Variants in SLC1A1 observed in about 807,000 individuals in gnomAD.
The protein encoded by SLC1A1 is excitatory amino acid transporter 3.
Under a neutral mutation model 53.3 loss-of-function variants are expected in SLC1A1, and 43 were observed. The observed-to-expected ratio is 0.81, with a 90% CI of 0.63 to 1.04. The LOEUF (loss-of-function observed/expected upper bound fraction) is 1.04. Among genes scored for constraint, SLC1A1 ranks in the 50% least tolerant of loss-of-function variants. SLC1A1 has a pLI of 0.00. For synonymous variants in SLC1A1, 307 were observed against 243.2 expected (o/e 1.26, Z -2.44); for missense variants, 748 against 664.9 (o/e 1.12, Z -1.37).
rs547057643 is a variant in SLC1A1 at position 4,549,061 on chromosome 9, G to A, written c.232+4354G>A. Among the ~76,000 whole-genome samples, 110 of 152,272 alleles carry A rather than the reference G, an allele frequency of 7.2e-4. No homozygotes were observed. Among genetic ancestry groups the A allele is most frequent in the Non-Finnish European group, 1.1e-3 (76 of 68,014 alleles). On this transcript the variant is annotated intron_variant, in intron 2 of 11. Transcript: ENST00000262352. This position sits in a 1 kb window ranked among gnomAD's most constrained non-coding sequence, Gnocchi z 4.1. ...GGTCCAGCCAGTGAGTTTAAATTCA[G>A]GTCACATTTTCTTTACTACTTCCCA...
At chr9:4,506,238 T>A (rs1446870445) in intron 1 of SLC1A1, among the ~76,000 whole-genome samples, 1 of 152,248 alleles carries the variant, frequency 6.6e-6, no homozygotes, top group Non-Finnish European at 1.5e-5. Flanking sequence ...ATTACAGGCA[T>A]GAGCCATCAT....
At chr9:4,532,398 G>A (rs905385301) in intron 1 of SLC1A1, among the ~76,000 whole-genome samples, 19 of 152,084 alleles carry the variant, frequency 1.2e-4, no homozygotes, top group African/African-American at 3.9e-4. Flanking sequence ...ACCAAGGCAC[G>A]AGAACTACGT....
intron 10 of SLC1A1, among the ~76,000 whole-genome samples, chr9:4,580,704 T>A (rs1391557162): frequency 2.1e-5 from 3 of 140,630 alleles, no homozygotes; most frequent in Non-Finnish European, 4.6e-5. Context: ...TAGAAAGAGC[T>A]GAGAGAAAAA....
intron 1 of SLC1A1, among the ~76,000 whole-genome samples, chr9:4,498,298 T>C (rs1820510076): frequency 6.6e-6 from 1 of 152,176 alleles, no homozygotes; most frequent in Admixed American, 6.5e-5. Flanking sequence ...TATGGGGCTA[T>C]TACCATGGTA....
At chr9:4,517,380 G>A (rs993671302) in intron 1 of SLC1A1, among the ~76,000 whole-genome samples, 1 of 152,154 alleles carries the variant, frequency 6.6e-6, no homozygotes, top group Non-Finnish European at 1.5e-5. Context: ...CTGCCTACTA[G>A]AATACAATTT....
intron 10 of SLC1A1, among the ~76,000 whole-genome samples, chr9:4,580,092 A>T (rs1376083968): frequency 6.6e-6 from 1 of 151,992 alleles, no homozygotes; most frequent in Non-Finnish European, 1.5e-5. Flanking sequence ...TTAGCCAGGC[A>T]TGGTGGCATG....
At chr9:4,531,352 C>T (rs558103583) in intron 1 of SLC1A1, among the ~76,000 whole-genome samples, 32 of 152,266 alleles carry the variant, frequency 2.1e-4, no homozygotes, top group Non-Finnish European at 4.3e-4. Context: ...CGGGTCACTC[C>T]CACCCTAATA....
intron 6 of SLC1A1, 27 bp downstream of exon 6, chr9:4,567,794 TC>T (rs1819630005): frequency 7.4e-7 from 1 of 1,356,222 alleles, no homozygotes; most frequent in Non-Finnish European, 1.1e-6. Context: ...CTGTTCCTCT[TC>T]CCCAGGAGAC....
chr9:4,524,918 G>A (rs1282572572), intron 1 of SLC1A1, among the ~76,000 whole-genome samples: 1 of 152,062 alleles, frequency 6.6e-6, no homozygotes, highest in East Asian at 1.9e-4. Context: ...CTATTCATGA[G>A]GGATCCAGCT....
chr9:4,542,038 A>G (rs920483021), intron 1 of SLC1A1, among the ~76,000 whole-genome samples: 6 of 152,222 alleles, frequency 3.9e-5, no homozygotes, highest in African/African-American at 1.4e-4. Context: ...TTTACAAGGC[A>G]TAACTCCTAG....
intron 1 of SLC1A1, among the ~76,000 whole-genome samples, chr9:4,500,379 G>A (rs1056629870): frequency 7.2e-5 from 11 of 152,050 alleles, no homozygotes; most frequent in African/African-American, 2.7e-4. Context: ...TGCGATCTCG[G>A]CTACTGCAAC....
rs149015734 is a variant in SLC1A1 at position 4,512,031 on chromosome 9, T to C, written c.91+21261T>C. ...ATATATAGGATCTATACTCTGACAA[T>C]TATAAAACACTGATGAAAGAAATCA... On this transcript the variant is annotated intron_variant, in intron 1 of 11. Transcript: ENST00000262352. Among the ~76,000 whole-genome samples the C allele has an allele frequency of 2.0e-4, 31 of 152,278 alleles. No individual in the cohort carries two copies. In the East Asian group the frequency reaches 5.8e-3, roughly 28 times the overall value.
chr9:4,501,226 C>G (rs1820619494), intron 1 of SLC1A1, among the ~76,000 whole-genome samples: 1 of 151,600 alleles, frequency 6.6e-6, no homozygotes, highest in African/African-American at 2.4e-5. Context: ...CTCCGTCACC[C>G]AGGCTGGAGT....
chr9:4,567,776 C>G lies in SLC1A1; in HGVS notation c.582+9C>G. 2 of 1,536,676 alleles carry G rather than the reference C, an allele frequency of 1.3e-6. No homozygotes were observed. The highest frequency in any genetic ancestry group is 1.7e-4 in the Middle Eastern group (1 of 5,910). On this transcript the variant is annotated intron_variant, in intron 6 of 11. Coordinates refer to ENST00000262352, the MANE Select transcript of SLC1A1 (RefSeq NM_004170.6). ...CAACTGCAATTTCCAAGGTACCATT[C>G]TTATTTCCTGTTCCTCTTCCCCAGG...
chr9:4,566,147 A>G, intron 5 of SLC1A1, 58 bp downstream of exon 5: 3 of 1,484,668 alleles, frequency 2.0e-6, no homozygotes, highest in Non-Finnish European at 2.8e-6. Context: ...TCAATTAAAA[A>G]TGTTTTTTTC....
chr9:4,586,356 C>T lies in SLC1A1; in HGVS notation c.*798C>T, dbSNP rs190691552. 1 of 152,196 alleles carries T rather than the reference C, an allele frequency of 6.6e-6. No individual in the cohort carries two copies. The highest frequency in any genetic ancestry group is 1.9e-4 in the East Asian group (1 of 5,176). 9.4% of individuals were successfully genotyped at this position (152,196 alleles called of 1,614,324 possible). On this transcript the variant is annotated 3_prime_UTR_variant, in exon 12 of 12. Coordinates refer to ENST00000262352, the MANE Select transcript of SLC1A1 (RefSeq NM_004170.6). ...ATTCCAACCCAGGTCTGCTTTGGGG[C>T]TTATCAGAACTCCTTTCTAAGGAGC...
chr9:4,568,419 A>G (rs903259024), intron 6 of SLC1A1, among the ~76,000 whole-genome samples: 4 of 145,266 alleles, frequency 2.8e-5, no homozygotes, highest in Non-Finnish European at 6.1e-5. Flanking sequence ...CCCTGTCTCA[A>G]AAAAAAAAAA....
At chr9:4,529,505 T>A (rs1302961550) in intron 1 of SLC1A1, among the ~76,000 whole-genome samples, 1 of 152,176 alleles carries the variant, frequency 6.6e-6, no homozygotes, top group African/African-American at 2.4e-5. Flanking sequence ...GTCTTTGTAG[T>A]CACACAGTGT....
chr9:4,507,444 TATGA>T (rs1172591357), intron 1 of SLC1A1, among the ~76,000 whole-genome samples: 1 of 152,206 alleles, frequency 6.6e-6, no homozygotes, highest in East Asian at 1.9e-4. Flanking sequence ...TGAAGTTCCT[TATGA>T]ATGTTTGTTA....
Sources: gnomAD v4.1 joint callset for allele counts (sites outside exome capture counted in the v4.1 genomes callset) on GRCh38, gnomAD v4.1.1 for gene constraint, Gnocchi (gnomAD v3.1) non-coding constraint, MANE v1.5 for transcripts, NCBI Gene and HGNC (gene_info 2026-07-23, HGNC 2026-07-21) for gene names.